Variants in SLC35F4 observed in about 807,000 individuals in gnomAD.
SLC35F4 encodes the protein chromosome 14 open reading frame 36.
SLC35F4 carries 24 observed loss-of-function variants against 44.2 expected under a neutral mutation model. The observed-to-expected ratio is 0.54, with a 90% CI of 0.39 to 0.76. The LOEUF (loss-of-function observed/expected upper bound fraction) is 0.76. Among genes scored for constraint, SLC35F4 ranks in the 30% least tolerant of loss-of-function variants. The probability of loss-of-function intolerance (pLI) is 0.00; values close to 1 mark genes in which losing one functional copy is unlikely to be tolerated. For missense variants in SLC35F4, 562 were observed against 586.1 expected, an observed-to-expected ratio of 0.96 and a Z score of 0.42; for synonymous variants, 238 against 223.6, an observed-to-expected ratio of 1.06 and a Z score of -0.57.
intron 1 of SLC35F4, among the ~76,000 whole-genome samples, chr14:57,658,291 A>G (rs2074032333): frequency 1.3e-5 from 2 of 152,218 alleles, no homozygotes; most frequent in South Asian, 4.1e-4. Flanking sequence ...ATTTTTCATA[A>G]TACTTTATTA....
At chr14:57,613,418 T>C (rs2071624124) in intron 1 of SLC35F4, among the ~76,000 whole-genome samples, 1 of 152,232 alleles carries the variant, frequency 6.6e-6, no homozygotes, top group Non-Finnish European at 1.5e-5. Context: ...GATGGCGGTC[T>C]GTGCTCCTAT....
intron 1 of SLC35F4, among the ~76,000 whole-genome samples, chr14:57,725,896 A>G (rs1438321849): frequency 6.6e-6 from 1 of 152,126 alleles, no homozygotes; most frequent in Non-Finnish European, 1.5e-5. Flanking sequence ...TCACTAGCAA[A>G]ATTTTTGCTT....
rs1594966475 is a variant in SLC35F4, at chr14:57,589,590, A to T, written c.290-77T>A. On this transcript the variant is annotated intron_variant, in intron 2 of 7. Coordinates refer to ENST00000556826, the MANE Select transcript of SLC35F4 (RefSeq NM_001306087.2). ...AATCAAATATATCAGCTCCTTAAAAAAGATGGATGAAACCAAAGAGGCAGA... is the reference window on the plus strand; with the variant it reads ...AATCAAATATATCAGCTCCTTAAAATAGATGGATGAAACCAAAGAGGCAGA... 6 of 1,385,028 alleles carry T rather than the reference A, an allele frequency of 4.3e-6. No homozygotes were observed. The East Asian group carries it at 1.5e-4, about 34-fold the overall frequency. 85.8% of individuals were successfully genotyped at this position (1,385,028 alleles called of 1,614,324 possible). A position where few individuals can be genotyped will look rare whatever the true frequency, so the allele number is the denominator to read the frequency against.
chr14:57,881,254 A>G (rs1401929810), intron 1 of SLC35F4, among the ~76,000 whole-genome samples: 1 of 152,128 alleles, frequency 6.6e-6, no homozygotes, highest in Non-Finnish European at 1.5e-5. Flanking sequence ...CCTTTTGCAC[A>G]CCTCTGAACT....
At chr14:57,937,769 C>T (rs1344145209) in intron 1 of SLC35F4, among the ~76,000 whole-genome samples, 1 of 152,096 alleles carries the variant, frequency 6.6e-6, no homozygotes, top group Non-Finnish European at 1.5e-5. Context: ...GACCCAGGAA[C>T]ATACTGAAGG....
At chr14:57,586,717 C>CCAAAAAAAAAAAA (rs2069755277) in intron 3 of SLC35F4, among the ~76,000 whole-genome samples, 1 of 12,492 alleles carries the variant, frequency 8.0e-5, no homozygotes. Context: ...GACTCTGTCT[C>CCAAAAAAAAAAAA]AAAAAAAAAA....
At chr14:57,607,395 G>T (rs759287727) in intron 1 of SLC35F4, among the ~76,000 whole-genome samples, 17 of 152,126 alleles carry the variant, frequency 1.1e-4, no homozygotes, top group Non-Finnish European at 2.4e-4. Flanking sequence ...GAAACTATTC[G>T]CAAGTTTCTG....
chr14:57,709,520 G>C (rs1594851464), intron 1 of SLC35F4, among the ~76,000 whole-genome samples: 2 of 151,954 alleles, frequency 1.3e-5, no homozygotes, highest in South Asian at 2.1e-4. Flanking sequence ...TCTATATCTA[G>C]TATAACTATT....
At chr14:57,649,120 TCA>T (rs1255556364) in intron 1 of SLC35F4, among the ~76,000 whole-genome samples, 1 of 152,238 alleles carries the variant, frequency 6.6e-6, no homozygotes, top group East Asian at 1.9e-4. Context: ...TTGAAACTTC[TCA>T]CACCTTTTCC....
intron 1 of SLC35F4, among the ~76,000 whole-genome samples, chr14:57,646,393 T>A (rs1594691948): frequency 6.6e-6 from 1 of 152,328 alleles, no homozygotes; most frequent in Non-Finnish European, 1.5e-5. Context: ...TCTTCTAGAT[T>A]TTCTAGTTTA....
chr14:57,566,494 G>T lies in SLC35F4; in HGVS notation c.1197C>A (p.Leu399=). ...YPILISIGTV[L]SVPGNAAVDL... ...CTGTACCTGCATTTCCAGGAACGCTGAGCACTGTCCCAATGGAGATTAGGA... is the reference window on the plus strand; with the variant it reads ...CTGTACCTGCATTTCCAGGAACGCTTAGCACTGTCCCAATGGAGATTAGGA... The change falls in exon 7 of 8, where the codon CTC becomes CTA. Residue 399 remains leucine (L), a synonymous_variant. Coordinates refer to ENST00000556826, the MANE Select transcript of SLC35F4 (RefSeq NM_001306087.2). 3 of 1,597,458 alleles carry T rather than the reference G, an allele frequency of 1.9e-6. No homozygotes were observed. The highest frequency in any genetic ancestry group is 2.6e-6 in the Non-Finnish European group (3 of 1,172,070).
At chr14:57,841,440 T>C (rs1484261553) in intron 1 of SLC35F4, among the ~76,000 whole-genome samples, 1 of 152,112 alleles carries the variant, frequency 6.6e-6, no homozygotes, top group Non-Finnish European at 1.5e-5. Context: ...TAAGTGGAAA[T>C]CCAACTTTTT....
At chr14:57,964,278 A>G (rs1386763161) in intron 1 of SLC35F4, among the ~76,000 whole-genome samples, 1 of 152,162 alleles carries the variant, frequency 6.6e-6, no homozygotes, top group African/African-American at 2.4e-5. Context: ...CTAACCTGTT[A>G]CAAGTGTGTC....
intron 1 of SLC35F4, among the ~76,000 whole-genome samples, chr14:57,623,976 C>A (rs900537602): frequency 6.6e-6 from 1 of 152,046 alleles, no homozygotes; most frequent in Non-Finnish European, 1.5e-5. Flanking sequence ...GAGATAGAGA[C>A]ACAAAAATCC....
chr14:57,675,945 GCAA>G (rs1188434928), intron 1 of SLC35F4, among the ~76,000 whole-genome samples: 1 of 151,898 alleles, frequency 6.6e-6, no homozygotes, highest in Admixed American at 6.6e-5. Context: ...AAAAGCAAAT[GCAA>G]CAACAACAAA....
intron 1 of SLC35F4, among the ~76,000 whole-genome samples, chr14:57,931,057 T>A (rs1465227348): frequency 6.6e-6 from 1 of 152,058 alleles, no homozygotes; most frequent in African/African-American, 2.4e-5. Flanking sequence ...ACTGAAAAAA[T>A]CCCTTGAAAT....
At chr14:57,844,705 A>G (rs1321686841) in intron 1 of SLC35F4, among the ~76,000 whole-genome samples, 2 of 152,202 alleles carry the variant, frequency 1.3e-5, no homozygotes, top group Non-Finnish European at 2.9e-5. Context: ...GCCTTTTGGA[A>G]GCAAGATTTC....
At chr14:57,784,530 T>G (rs1479787807) in intron 1 of SLC35F4, among the ~76,000 whole-genome samples, 1 of 151,904 alleles carries the variant, frequency 6.6e-6, no homozygotes, top group East Asian at 1.9e-4. Flanking sequence ...TAAAAAAAAT[T>G]TTTTCTTAGT....
rs1309747214 is a variant in SLC35F4 at position 57,671,763 on chromosome 14, C to T, written c.104-77639G>A. On this transcript the variant is annotated intron_variant, in intron 1 of 7. Transcript: ENST00000556826. ...TTACCAACTCCTGCATCCCAGTGCC[C>T]CCAGCTAGTAGCCAGTGATATGATG... Among the ~76,000 whole-genome samples the T allele has an allele frequency of 2.0e-5, 3 of 151,966 alleles. 1 individual carries two copies. The highest frequency in any genetic ancestry group is 4.4e-5 in the Non-Finnish European group (3 of 68,010).
Sources: gnomAD v4.1 joint callset for allele counts (sites outside exome capture counted in the v4.1 genomes callset) on GRCh38, gnomAD v4.1.1 for gene constraint, MANE v1.5 for transcripts, NCBI Gene and HGNC (gene_info 2026-07-23, HGNC 2026-07-21) for gene names.